Variants in LRRTM4 observed in about 807,000 individuals in gnomAD.
LRRTM4 encodes the protein leucine rich repeat transmembrane neuronal 4.
Under a neutral mutation model 47.6 loss-of-function variants are expected in LRRTM4, and 25 were observed. The ratio of observed to expected loss-of-function variants is 0.53; its 90% CI spans 0.38 to 0.73. LRRTM4 has a LOEUF of 0.73. Ranked by LOEUF, LRRTM4 falls within the 30% of genes least tolerant of loss-of-function variation. The pLI is 0.00. For synonymous variants in LRRTM4, 311 were observed against 269.5 expected, an observed-to-expected ratio of 1.15 and a Z score of -1.51; for missense variants, 638 against 713.4, an observed-to-expected ratio of 0.89 and a Z score of 1.20.
intron 3 of LRRTM4, among the ~76,000 whole-genome samples, chr2:77,415,914 A>G (rs1349244431): frequency 6.6e-6 from 1 of 152,136 alleles, no homozygotes; most frequent in Non-Finnish European, 1.5e-5. Context: ...GTCATTGATT[A>G]CATGCTAGCT....
chr2:77,476,699 C>G (rs182315565), intron 3 of LRRTM4, among the ~76,000 whole-genome samples: 1 of 151,816 alleles, frequency 6.6e-6, no homozygotes, highest in African/African-American at 2.4e-5. Context: ...TATGCTAAAG[C>G]GAGGTACAAA....
At chr2:77,362,014 A>G (rs571342769) in intron 3 of LRRTM4, among the ~76,000 whole-genome samples, 27 of 152,028 alleles carry the variant, frequency 1.8e-4, no homozygotes, top group Admixed American at 5.2e-4. Context: ...ACTTGGCTCC[A>G]GGAGGTGGAA....
chr2:77,281,586 C>A (rs909559404), intron 3 of LRRTM4, among the ~76,000 whole-genome samples: 3 of 151,482 alleles, frequency 2.0e-5, no homozygotes, highest in Non-Finnish European at 3.0e-5. Flanking sequence ...AAGAAAGAAC[C>A]AATCACATTT....
intron 3 of LRRTM4, among the ~76,000 whole-genome samples, chr2:76,932,832 T>C (rs924903102): frequency 2.0e-5 from 3 of 152,094 alleles, no homozygotes; most frequent in Non-Finnish European, 4.4e-5. Context: ...TGTGTTCTTT[T>C]TTTGGTATTT....
chr2:77,292,414 A>T (rs1432448966), intron 3 of LRRTM4, among the ~76,000 whole-genome samples: 1 of 151,916 alleles, frequency 6.6e-6, no homozygotes, highest in African/African-American at 2.4e-5. Context: ...TTATTGTGGC[A>T]CTATTCACAA....
chr2:76,942,322 A>G (rs1044350737), intron 3 of LRRTM4, among the ~76,000 whole-genome samples: 2 of 152,040 alleles, frequency 1.3e-5, no homozygotes, highest in Non-Finnish European at 2.9e-5. Context: ...ATTAGATCCC[A>G]TTTGTCAATT....
At position 76,964,398 on chromosome 2, in the gene LRRTM4, A is replaced by G. The variant is rs565092608; in HGVS notation, c.1552-215482T>C. Among the ~76,000 whole-genome samples the G allele has an allele frequency of 2.0e-5, 3 of 151,130 alleles. No homozygotes were observed. The East Asian group carries it at 5.9e-4, about 30-fold the overall frequency. On this transcript the variant is annotated intron_variant, in intron 3 of 3. Coordinates refer to ENST00000409884, the MANE Select transcript of LRRTM4 (RefSeq NM_001134745.3). ...TTACAGATAAATTCAGGTCTACCAT[A>G]CAGAGTATTCCTATACTATCAAAAG...
rs369131465 is a variant in LRRTM4, at chr2:77,444,218, A to G, written c.1551+74100T>C. Among the ~76,000 whole-genome samples, 86 of 152,292 alleles carry G rather than the reference A, an allele frequency of 5.6e-4. 1 individual carries two copies. The highest frequency in any genetic ancestry group is 4.6e-3 in the East Asian group (24 of 5,184). On this transcript the variant is annotated intron_variant, in intron 3 of 3. Transcript: ENST00000409884. ...ACATGAATGATATACCTAGGTGGTC[A>G]TGGATAGATACCGAATATATTGGCC... is the stretch of plus-strand genomic sequence containing the variant.
intron 3 of LRRTM4, among the ~76,000 whole-genome samples, chr2:77,096,930 C>T (rs773181221): frequency 7.2e-5 from 11 of 151,732 alleles, no homozygotes; most frequent in Middle Eastern, 3.5e-3. Flanking sequence ...TGTCATTTTT[C>T]AAGCTCCATT....
intron 3 of LRRTM4, among the ~76,000 whole-genome samples, chr2:77,264,095 A>ACTC (rs1317386044): frequency 1.3e-5 from 2 of 152,038 alleles, no homozygotes; most frequent in Non-Finnish European, 2.9e-5. Flanking sequence ...TGCATATGGG[A>ACTC]AAGTGTATTA....
At chr2:76,786,265 T>C (rs4852415) in intron 3 of LRRTM4, among the ~76,000 whole-genome samples, 2 of 151,534 alleles carry the variant, frequency 1.3e-5, no homozygotes, top group African/African-American at 2.4e-5. Context: ...TATTTTCCAA[T>C]TGATCAATTT....
intron 3 of LRRTM4, among the ~76,000 whole-genome samples, chr2:77,267,064 CA>C (rs1391599846): frequency 6.6e-6 from 1 of 152,076 alleles, no homozygotes; most frequent in African/African-American, 2.4e-5. Flanking sequence ...GTTGAAGCCA[CA>C]AGGAAAAAAC....
intron 3 of LRRTM4, among the ~76,000 whole-genome samples, chr2:76,783,074 C>T (rs1292453627): frequency 6.6e-6 from 1 of 152,014 alleles, no homozygotes; most frequent in Non-Finnish European, 1.5e-5. Flanking sequence ...CAGGAAGTTG[C>T]AGTACAAGAA....
intron 3 of LRRTM4, among the ~76,000 whole-genome samples, chr2:77,072,735 G>A (rs1376361776): frequency 7.3e-6 from 1 of 137,894 alleles, no homozygotes; most frequent in African/African-American, 2.7e-5. Context: ...GGAGATGGAG[G>A]TTGCAGTGAG....
intron 3 of LRRTM4, among the ~76,000 whole-genome samples, chr2:77,362,170 A>AAGGAAGGAAGGAAGGAAGG (rs1672263551): frequency 7.5e-6 from 1 of 133,544 alleles, no homozygotes; most frequent in Non-Finnish European, 1.5e-5. Flanking sequence ...AGAAAGAAAG[A>AAGGAAGGAAGGAAGGAAGG]AAGGAAGGAA....
intron 3 of LRRTM4, among the ~76,000 whole-genome samples, chr2:77,358,064 A>G (rs1048265027): frequency 2.6e-5 from 4 of 152,178 alleles, no homozygotes; most frequent in African/African-American, 9.7e-5. Context: ...CCTTTCTCCT[A>G]AAGCATGATG....
At chr2:77,410,930 G>A (rs1345469310) in intron 3 of LRRTM4, among the ~76,000 whole-genome samples, 1 of 152,116 alleles carries the variant, frequency 6.6e-6, no homozygotes, top group Non-Finnish European at 1.5e-5. Flanking sequence ...ACATTTGTTG[G>A]AAACTTTCTA....
chr2:77,054,074 A>G (rs1679524198), intron 3 of LRRTM4, among the ~76,000 whole-genome samples: 1 of 152,026 alleles, frequency 6.6e-6, no homozygotes, highest in Non-Finnish European at 1.5e-5. Context: ...AATAGTCTCT[A>G]GTTTCAAGAT....
intron 3 of LRRTM4, among the ~76,000 whole-genome samples, chr2:77,247,003 C>T (rs1247442697): frequency 2.6e-5 from 4 of 151,984 alleles, no homozygotes; most frequent in African/African-American, 9.7e-5. Context: ...TATTTACACC[C>T]ATAAATTACT....
Sources: gnomAD v4.1 joint callset for allele counts (sites outside exome capture counted in the v4.1 genomes callset) on GRCh38, gnomAD v4.1.1 for gene constraint, MANE v1.5 for transcripts, NCBI Gene and HGNC (gene_info 2026-07-23, HGNC 2026-07-21) for gene names.